Variants in MYO5B observed in about 807,000 individuals in gnomAD.
The protein encoded by MYO5B is myosin VB, also known as unconventional myosin-Vb.
A neutral mutation model predicts 229.3 loss-of-function variants in MYO5B; 143 were observed. That is an observed-to-expected ratio of 0.62 (90% CI 0.54 to 0.72). The LOEUF (loss-of-function observed/expected upper bound fraction) is 0.72, where lower values mean the gene tolerates loss of function less well. Ranked by LOEUF, MYO5B falls within the 30% of genes least tolerant of loss-of-function variation. MYO5B has a pLI of 0.00. For missense variants in MYO5B, 2,321 were observed against 2,331.0 expected, an observed-to-expected ratio of 1.00 and a Z score of 0.09; for synonymous variants, 918 against 885.2, an observed-to-expected ratio of 1.04 and a Z score of -0.66.
chr18:50,162,105 G>A (rs1424605574), intron 1 of MYO5B, among the ~76,000 whole-genome samples: 1 of 152,238 alleles, frequency 6.6e-6, no homozygotes, highest in East Asian at 1.9e-4. Flanking sequence ...TGCAAGATGA[G>A]GTCACTACAT....
intron 26 of MYO5B, among the ~76,000 whole-genome samples, chr18:49,874,550 C>T (rs185545546): frequency 6.6e-6 from 1 of 152,098 alleles, no homozygotes; most frequent in East Asian, 1.9e-4. Context: ...ACTTACTGCT[C>T]AGGGGGAAAA....
intron 1 of MYO5B, among the ~76,000 whole-genome samples, chr18:50,092,810 T>C (rs933418785): frequency 2.0e-5 from 3 of 152,202 alleles, no homozygotes; most frequent in Admixed American, 6.5e-5. Context: ...TATTGAATTA[T>C]TGAATCATTG....
chr18:50,158,098 AC>A (rs2032710345), intron 1 of MYO5B, among the ~76,000 whole-genome samples: 1 of 152,158 alleles, frequency 6.6e-6, no homozygotes, highest in Non-Finnish European at 1.5e-5. Context: ...TTCCCTGAAA[AC>A]CTTAAATGAT....
intron 6 of MYO5B, 73 bp from the exon 7 acceptor site, chr18:49,990,593 A>G (rs2025920322): frequency 1.6e-6 from 2 of 1,280,840 alleles, no homozygotes; most frequent in Non-Finnish European, 2.3e-6. Flanking sequence ...CTGTAATCCC[A>G]GGGTGCTCCA....
intron 1 of MYO5B, among the ~76,000 whole-genome samples, chr18:50,126,753 T>C (rs2032170342): frequency 6.6e-6 from 1 of 152,176 alleles, no homozygotes; most frequent in African/African-American, 2.4e-5. Context: ...TTTCACACCA[T>C]CTTCTAGCAC....
chr18:50,089,638 C>G lies in MYO5B; in HGVS notation c.28-34260G>C, dbSNP rs185726825. Among the ~76,000 whole-genome samples the G allele has an allele frequency of 4.6e-5, 7 of 151,198 alleles. No individual in the cohort carries two copies. In the East Asian group the frequency reaches 1.4e-3, roughly 29 times the overall value. Reference sequence around the variant, plus strand: ...GTGGTACCTGCCTGTGTCCCAGTGTCGTAGGAGTTATTAATTAATTATTTT... The same window carrying G: ...GTGGTACCTGCCTGTGTCCCAGTGTGGTAGGAGTTATTAATTAATTATTTT... On this transcript the variant is annotated intron_variant, in intron 1 of 39. Coordinates refer to ENST00000285039, the MANE Select transcript of MYO5B (RefSeq NM_001080467.3).
At chr18:50,106,870 A>G (rs975785176) in intron 1 of MYO5B, among the ~76,000 whole-genome samples, 4 of 152,342 alleles carry the variant, frequency 2.6e-5, no homozygotes, top group African/African-American at 9.6e-5. Context: ...TGGTATGGCC[A>G]CATAACTCTA....
rs778045982 is a variant in MYO5B, at chr18:49,878,947, T to G, written c.3274A>C (p.Lys1092Gln). The G allele has an allele frequency of 9.3e-6, 15 of 1,614,078 alleles. No individual in the cohort carries two copies. The South Asian group carries it at 1.6e-4, about 18-fold the overall frequency. ...CACAGCAGAAGCACCCCCCTTGCCT[T>G]TATGATGGTCATTTCATCCCGAAGG... ...DNLRDEMTII[K>Q]QTPGHRRNPS... The change falls in exon 24 of 40, where the codon AAG becomes CAG. Residue 1092 changes from lysine (K) to glutamine (Q), a missense_variant and splice_region_variant. Lys to Gln is a moderately conservative substitution (Grantham distance 53). Transcript: ENST00000285039.
chr18:49,987,312 C>T (rs1046944709), intron 7 of MYO5B, among the ~76,000 whole-genome samples: 1 of 152,172 alleles, frequency 6.6e-6, no homozygotes, highest in Non-Finnish European at 1.5e-5. Flanking sequence ...GCGTTAAGGT[C>T]TGCCATCAAC....
intron 22 of MYO5B, among the ~76,000 whole-genome samples, chr18:49,888,399 G>A (rs2024670141): frequency 2.6e-5 from 4 of 152,280 alleles, no homozygotes; most frequent in Middle Eastern, 3.4e-3. Context: ...CAGGGTCCAT[G>A]AAGGCTTCAC....
intron 23 of MYO5B, 104 bp from the exon 24 acceptor site, chr18:49,879,194 A>G (rs970270602): frequency 3.9e-5 from 54 of 1,386,338 alleles, no homozygotes; most frequent in Admixed American, 2.8e-4. Context: ...GCCCATGACG[A>G]GCTCATCAGA....
chr18:50,047,609 T>C (rs2030268271), intron 2 of MYO5B, among the ~76,000 whole-genome samples: 1 of 152,216 alleles, frequency 6.6e-6, no homozygotes. Flanking sequence ...CAAAGTATTA[T>C]AAATCATGCT....
chr18:50,140,173 C>G (rs543975178), intron 1 of MYO5B, among the ~76,000 whole-genome samples: 1 of 152,324 alleles, frequency 6.6e-6, no homozygotes, highest in Non-Finnish European at 1.5e-5. Context: ...ATCCAGAAAT[C>G]CTGTTTGGTT....
intron 16 of MYO5B, among the ~76,000 whole-genome samples, chr18:49,931,871 T>C (rs557572770): frequency 6.6e-6 from 1 of 152,186 alleles, no homozygotes; most frequent in East Asian, 1.9e-4. Context: ...GCAGACCACC[T>C]CCCCAGGCAC....
At chr18:50,036,294 A>C (rs535615696) in intron 4 of MYO5B, among the ~76,000 whole-genome samples, 1 of 152,374 alleles carries the variant, frequency 6.6e-6, no homozygotes, top group South Asian at 2.1e-4. Flanking sequence ...AGTGAAAAGA[A>C]TAACAGCAAT....
intron 1 of MYO5B, among the ~76,000 whole-genome samples, chr18:50,106,146 C>T (rs2031756135): frequency 6.6e-6 from 1 of 152,090 alleles, no homozygotes; most frequent in South Asian, 2.1e-4. Flanking sequence ...TTCACTTCCC[C>T]TCTACCTCGT....
At chr18:50,006,580 C>G (rs983782621) in intron 4 of MYO5B, among the ~76,000 whole-genome samples, 35 of 152,220 alleles carry the variant, frequency 2.3e-4, no homozygotes, top group African/African-American at 8.4e-4. Context: ...ACTACCTCCC[C>G]AGTTCACACT....
intron 6 of MYO5B, among the ~76,000 whole-genome samples, chr18:49,991,670 G>C (rs2025934173): frequency 6.6e-6 from 1 of 152,162 alleles, no homozygotes; most frequent in Admixed American, 6.5e-5. Flanking sequence ...ACCGGGGCCT[G>C]TCAGTGGGTG....
At position 50,073,975 on chromosome 18, in the gene MYO5B, T is replaced by G. The variant is rs909589344; in HGVS notation, c.28-18597A>C. On this transcript the variant is annotated intron_variant, in intron 1 of 39. Coordinates refer to ENST00000285039, the MANE Select transcript of MYO5B (RefSeq NM_001080467.3). ...CCCTCCTCTCCTAGACTGCTCCTTC[T>G]CCTTCTTACCTGGTCTCTGCTTCTG... Among the ~76,000 whole-genome samples, 13 of 152,278 alleles carry G rather than the reference T, an allele frequency of 8.5e-5. No individual in the cohort carries two copies. In the East Asian group the frequency reaches 2.5e-3, roughly 29 times the overall value.
Sources: allele counts gnomAD v4.1 joint callset (sites outside exome capture counted in the v4.1 genomes callset), GRCh38; gene constraint gnomAD v4.1.1; transcripts MANE v1.5; gene names NCBI Gene and HGNC (gene_info 2026-07-23, HGNC 2026-07-21).